TTC7B: variants seen among roughly 807,000 people sequenced by gnomAD.
TTC7B encodes tetratricopeptide repeat protein 7B.
A neutral mutation model predicts 106.8 loss-of-function variants in TTC7B; 28 were observed. That is an observed-to-expected ratio of 0.26 (90% CI 0.19 to 0.36). TTC7B has a LOEUF of 0.36. Ranked by LOEUF, TTC7B falls within the 10% of genes least tolerant of loss-of-function variation. TTC7B has a pLI of 1.00. For missense variants in TTC7B, 862 were observed against 1,076.4 expected (o/e 0.80, Z 2.79); for synonymous variants, 405 against 430.6 (o/e 0.94, Z 0.74).
Position 90,731,042 on chromosome 14 carries a change from T to G in TTC7B, c.577-846A>C, listed in dbSNP as rs543191571. 1.5e-3 allele frequency among the ~76,000 whole-genome samples: 235 copies of G among 152,034 alleles called. 1 individual carries two copies. The highest frequency in any genetic ancestry group is 5.4e-3 in the African/African-American group (223 of 41,512). On this transcript the variant is annotated intron_variant, in intron 4 of 19. Coordinates refer to ENST00000328459, the MANE Select transcript of TTC7B (RefSeq NM_001010854.2). ...CTCACTGCACGCTCCGCCTCCCGGG[T>G]TCACGCCATTCTCCTGCCTCAGCCT...
intron 19 of TTC7B, among the ~76,000 whole-genome samples, chr14:90,544,221 G>A (rs1448633710): frequency 6.6e-6 from 1 of 152,256 alleles, no homozygotes; most frequent in Non-Finnish European, 1.5e-5. Context: ...GGGAACAGCA[G>A]GCTTCAGGGT....
At position 90,534,550 on chromosome 14, in the gene TTC7B, C is replaced by T. The variant is rs1889368967; in HGVS notation, c.*6818G>A. ...ACAGAACTTCAATATGAGTGGTGTC[C>T]CCTCACTGGGCAATGCCCACCCTGT... is the stretch of plus-strand genomic sequence containing the variant. On this transcript the variant is annotated 3_prime_UTR_variant, in exon 20 of 20. Coordinates refer to ENST00000328459, the MANE Select transcript of TTC7B (RefSeq NM_001010854.2). 1 of 152,436 alleles carries T rather than the reference C, an allele frequency of 6.6e-6. No homozygotes were observed. Among genetic ancestry groups the T allele is most frequent in the South Asian group, 2.1e-4 (1 of 4,832 alleles). The allele number at this position is 152,436 out of a possible 1,614,324, so 9.4% of individuals were successfully genotyped here.
chr14:90,558,681 G>A (rs1196776916), intron 19 of TTC7B, among the ~76,000 whole-genome samples: 10 of 152,244 alleles, frequency 6.6e-5, no homozygotes, highest in Admixed American at 6.5e-4. Context: ...CCAAAGGGCG[G>A]GGTCTCCCCG....
At chr14:90,688,984 T>C (rs1024814618) in intron 7 of TTC7B, among the ~76,000 whole-genome samples, 1 of 152,120 alleles carries the variant, frequency 6.6e-6, no homozygotes, top group African/African-American at 2.4e-5. Flanking sequence ...AAGTCTATAG[T>C]GATTCTCTGG....
rs1025714256 is a variant in TTC7B at position 90,700,516 on chromosome 14, C to G, written c.699-4938G>C. Reference sequence around the variant, plus strand: ...GCCAGTACCAGTGACGTTTAACAAGCTGGGCACCCCCAAAAGAAAGAAAAG... The same window carrying G: ...GCCAGTACCAGTGACGTTTAACAAGGTGGGCACCCCCAAAAGAAAGAAAAG... On this transcript the variant is annotated intron_variant, in intron 5 of 19. Coordinates refer to ENST00000328459, the MANE Select transcript of TTC7B (RefSeq NM_001010854.2). Among the ~76,000 whole-genome samples the G allele has an allele frequency of 1.3e-4, 20 of 152,034 alleles. 3 individuals are homozygous for G. Among genetic ancestry groups the G allele is most frequent in the Admixed American group, 1.2e-3 (19 of 15,286 alleles).
At chr14:90,542,047 C>T (rs1479960189) in intron 19 of TTC7B, among the ~76,000 whole-genome samples, 1 of 152,216 alleles carries the variant, frequency 6.6e-6, no homozygotes, top group African/African-American at 2.4e-5. Flanking sequence ...TCATGCCATT[C>T]TCCTGCCTCA....
intron 15 of TTC7B, among the ~76,000 whole-genome samples, chr14:90,626,519 G>C (rs1299204904): frequency 6.6e-6 from 1 of 152,176 alleles, no homozygotes; most frequent in African/African-American, 2.4e-5. Context: ...CCCCCATAAA[G>C]GGCACCTGCT....
intron 19 of TTC7B, among the ~76,000 whole-genome samples, chr14:90,554,759 C>G (rs1250060095): frequency 6.6e-6 from 1 of 152,230 alleles, no homozygotes; most frequent in Non-Finnish European, 1.5e-5. Context: ...ATGCTCTCCC[C>G]ACTTTGAACA....
At chr14:90,610,929 T>G (rs1404924422) in intron 16 of TTC7B, 90 bp from the exon 17 acceptor site, 1 of 860,610 alleles carries the variant, frequency 1.2e-6, no homozygotes, top group East Asian at 2.4e-5. Flanking sequence ...TGAAGGCCAA[T>G]GAATACTTTC....
chr14:90,776,049 A>C lies in TTC7B; in HGVS notation c.445+4689T>G, dbSNP rs563465124. On this transcript the variant is annotated intron_variant, in intron 3 of 19. Coordinates refer to ENST00000328459, the MANE Select transcript of TTC7B (RefSeq NM_001010854.2). ...TTACTTTCCTCTGTGTATGCAGAAA[A>C]GAAGGCCACAGAAAATGCTGAGGAA... 3.3e-5 allele frequency among the ~76,000 whole-genome samples: 5 copies of C among 152,166 alleles called. 1 individual carries two copies. In the East Asian group the frequency reaches 9.6e-4, roughly 29 times the overall value.
chr14:90,547,633 T>TA (rs959535889), intron 19 of TTC7B, among the ~76,000 whole-genome samples: 2 of 152,196 alleles, frequency 1.3e-5, no homozygotes, highest in East Asian at 3.9e-4. Context: ...CCGTCGCCAC[T>TA]AAAAAAATAC....
intron 5 of TTC7B, among the ~76,000 whole-genome samples, chr14:90,696,231 C>A (rs1484421427): frequency 2.0e-5 from 3 of 152,136 alleles, no homozygotes; most frequent in Non-Finnish European, 4.4e-5. Flanking sequence ...CACTCACACC[C>A]CACAGGGACA....
At chr14:90,595,158 C>G (rs1056947729) in intron 17 of TTC7B, among the ~76,000 whole-genome samples, 1 of 152,106 alleles carries the variant, frequency 6.6e-6, no homozygotes, top group Non-Finnish European at 1.5e-5. Flanking sequence ...ATGGTGAAAC[C>G]CTGTCTCTAC....
intron 5 of TTC7B, 123 bp from the exon 6 acceptor site, chr14:90,695,701 A>C: frequency 2.2e-6 from 1 of 463,052 alleles, no homozygotes; most frequent in East Asian, 3.8e-5. Flanking sequence ...GCAAACGATT[A>C]CTCTGCACAT....
chr14:90,734,446 AAAC>A (rs1417851806), intron 4 of TTC7B, among the ~76,000 whole-genome samples: 2 of 151,158 alleles, frequency 1.3e-5, no homozygotes, highest in Non-Finnish European at 2.9e-5. Context: ...AGAAAGGAGG[AAAC>A]AACGACAAAA....
At chr14:90,784,962 T>C (rs1891337442) in intron 2 of TTC7B, among the ~76,000 whole-genome samples, 1 of 152,114 alleles carries the variant, frequency 6.6e-6, no homozygotes, top group African/African-American at 2.4e-5. Flanking sequence ...AATACTAACT[T>C]ACTCAAAGGT....
intron 3 of TTC7B, chr14:90,773,004 G>A (rs556748720): frequency 1.3e-5 from 2 of 152,244 alleles, no homozygotes; most frequent in South Asian, 4.1e-4. Context: ...AAAATTGTGG[G>A]GGATGAAACA....
rs148004786 is a variant in TTC7B at position 90,646,354 on chromosome 14, G to A, written c.1590+597C>T. 4.4e-3 allele frequency among the ~76,000 whole-genome samples: 674 copies of A among 152,326 alleles called. 1 individual carries two copies. The highest frequency in any genetic ancestry group is 6.8e-3 in the Middle Eastern group (2 of 294). On this transcript the variant is annotated intron_variant, in intron 14 of 19. Transcript: ENST00000328459. Reference sequence around the variant, plus strand: ...ATAGGAGGGTTTCGGGAATGGCAGAGGCAGCATCTAAAAGCTGCCTTTGGG... The same window carrying A: ...ATAGGAGGGTTTCGGGAATGGCAGAAGCAGCATCTAAAAGCTGCCTTTGGG...
In TTC7B at chr14:90,578,134, G is replaced by A. The variant is rs764434415; in HGVS notation, c.2282C>T (p.Pro761Leu). Residue 761 changes from proline (P) to leucine (L), a missense_variant, in exon 19 of 20, where the codon CCC (proline) becomes CTC (leucine). By Grantham distance (98) the Pro-to-Leu change is moderately conservative. Coordinates refer to ENST00000328459, the MANE Select transcript of TTC7B (RefSeq NM_001010854.2). The surrounding 1 kb of genome is among the most constrained non-coding windows in gnomAD (Gnocchi z 4.7). ...TCGCTGCATGCTCTTCACGTGGGTG[G>A]GGCTGATGGCTAAGGCCTCTTCATA... is the stretch of plus-strand genomic sequence containing the variant. ...RWYEEALAIS[P>L]THVKSMQRLA... The A allele has an allele frequency of 1.2e-6, 2 of 1,612,528 alleles. No homozygotes were observed. Among genetic ancestry groups the A allele is most frequent in the South Asian group, 1.1e-5 (1 of 90,602 alleles).
Sources: gnomAD v4.1 joint callset for allele counts (sites outside exome capture counted in the v4.1 genomes callset) on GRCh38, gnomAD v4.1.1 for gene constraint, Gnocchi (gnomAD v3.1) non-coding constraint, MANE v1.5 for transcripts, NCBI Gene and HGNC (gene_info 2026-07-23, HGNC 2026-07-21) for gene names.